AXL: variants seen among roughly 807,000 people sequenced by gnomAD.
AXL encodes tyrosine-protein kinase receptor UFO.
AXL carries 52 observed loss-of-function variants against 104.5 expected under a neutral mutation model. The ratio of observed to expected loss-of-function variants is 0.50; its 90% confidence interval spans 0.40 to 0.63. AXL has a LOEUF of 0.63. AXL is among the 20% of genes least tolerant of loss of function. The probability of loss-of-function intolerance (pLI) is 0.00; values close to 1 mark genes in which losing one functional copy is unlikely to be tolerated. For synonymous variants in AXL, 455 were observed against 473.7 expected (o/e 0.96, Z 0.51); for missense variants, 1,024 against 1,188.5 (o/e 0.86, Z 2.04).
At position 41,228,675 on chromosome 19, in the gene AXL, C is replaced by T. The variant is rs112449337; in HGVS notation, c.587-2292C>T. On this transcript the variant is annotated intron_variant, in intron 4 of 19. Transcript: ENST00000301178. Reference sequence around the variant, plus strand: ...GTACATAGCTGAACACAATTTCACTCACTCATTCAACAAGCATTTATGGCA... The same window carrying T: ...GTACATAGCTGAACACAATTTCACTTACTCATTCAACAAGCATTTATGGCA... 6.7e-3 allele frequency among the ~76,000 whole-genome samples: 1,021 copies of T among 152,340 alleles called. 12 individuals carry two copies. Among genetic ancestry groups the T allele is most frequent in the African/African-American group, 0.023 (955 of 41,578 alleles).
Position 41,243,643 on chromosome 19 carries a change from A to G in AXL, c.1473A>G (p.Arg491=), listed in dbSNP as rs754603597. 1 of 1,614,008 alleles carries G rather than the reference A, an allele frequency of 6.2e-7. No homozygotes were observed. Among genetic ancestry groups the G allele is most frequent in the South Asian group, 1.1e-5 (1 of 91,082 alleles). The part of the protein sequence containing the change: ...YGEVFEPTVE[R]GELVVRYRVR... ...AAGTGTTTGAACCAACAGTGGAAAG[A>G]GGTGAACTGGTAGTCAGGTACCGCG... is the stretch of plus-strand genomic sequence containing the variant. The change falls in exon 12 of 20, where the codon AGA becomes AGG. Residue 491 remains arginine, a synonymous_variant. Transcript: ENST00000301178.
intron 6 of AXL, among the ~76,000 whole-genome samples, 163 bp from the exon 7 acceptor site, chr19:41,237,781 G>A (rs2034105673): frequency 6.6e-6 from 1 of 152,128 alleles, no homozygotes; most frequent in Non-Finnish European, 1.5e-5. Flanking sequence ...TGATCTCCTT[G>A]CTTTGCAAAT....
At chr19:41,226,712 G>A in intron 4 of AXL, 1 of 983,002 alleles carries the variant, frequency 1.0e-6, no homozygotes, top group Non-Finnish European at 1.2e-6. Flanking sequence ...ATACACGCAG[G>A]GTCACAAACA....
At chr19:41,225,765 T>C (rs1047054491) in intron 4 of AXL, among the ~76,000 whole-genome samples, 2 of 152,194 alleles carry the variant, frequency 1.3e-5, no homozygotes, top group African/African-American at 4.8e-5. Context: ...CTGTGTGCCG[T>C]TAACTTACCA....
intron 4 of AXL, among the ~76,000 whole-genome samples, chr19:41,226,029 C>T (rs945457854): frequency 6.6e-6 from 1 of 152,212 alleles, no homozygotes. Flanking sequence ...CTGCTCCTGT[C>T]GTCTTGCGGT....
rs78394738 is a variant in AXL at position 41,235,441 on chromosome 19, C to G, written c.784-2503C>G. 4.0e-3 allele frequency among the ~76,000 whole-genome samples: 611 copies of G among 152,172 alleles called. 10 individuals are homozygous for G. The highest frequency in any genetic ancestry group is 0.014 in the African/African-American group (578 of 41,512). ...AATGACAGTATGCACAAGCAGTCTT[C>G]TAAATGCTTACATGCCCCAATTCAG... On this transcript the variant is annotated intron_variant, in intron 6 of 19. Transcript: ENST00000301178.
chr19:41,243,570 T>C (rs1337366219), intron 11 of AXL, 46 bp from the exon 12 acceptor site: 1 of 1,451,072 alleles, frequency 6.9e-7, no homozygotes, highest in Admixed American at 1.7e-5. Flanking sequence ...AGTAGGGGGT[T>C]CCACATGGTT....
At chr19:41,242,693 G>A (rs2034204307) in intron 10 of AXL, among the ~76,000 whole-genome samples, 190 bp from the exon 11 acceptor site, 1 of 152,072 alleles carries the variant, frequency 6.6e-6, no homozygotes, top group Non-Finnish European at 1.5e-5. Context: ...ACCTGCACTT[G>A]TATCACATCC....
intron 12 of AXL, among the ~76,000 whole-genome samples, chr19:41,245,530 C>T (rs1455203034): frequency 6.6e-6 from 1 of 152,050 alleles, no homozygotes; most frequent in Non-Finnish European, 1.5e-5. Context: ...CGAGACCAGC[C>T]TGGCCAACAT....
rs2122191580 is a variant in AXL, at chr19:41,219,418, G to A, written c.26G>A (p.Gly9Asp). Residue 9 changes from glycine to aspartate, a missense_variant, in exon 1 of 20, where the codon GGC becomes GAC. Physicochemically the swap from Gly to Asp is moderately conservative, Grantham distance 94 (BLOSUM62 -1). This residue lies in a region of AXL where 124 missense variants were observed against 115.5 expected (regional missense o/e 1.07). Coordinates refer to ENST00000301178, the MANE Select transcript of AXL (RefSeq NM_021913.5). The stretch of plus-strand genomic sequence containing the variant: ...ATGGCGTGGCGGTGCCCCAGGATGG[G>A]CAGGGTCCCGCTGGCCTGGTGCTTG... MAWRCPRM[G>D]RVPLAWCLAL... 6.2e-7 allele frequency: 1 copy of A among 1,605,040 alleles called. No individual in the cohort carries two copies. Among genetic ancestry groups the A allele is most frequent in the Admixed American group, 1.7e-5 (1 of 58,926 alleles).
rs762107336 is a variant in AXL at position 41,231,170 on chromosome 19, C to T, written c.668-13C>T. On this transcript the variant is annotated splice_polypyrimidine_tract_variant and intron_variant, in intron 5 of 19. Transcript: ENST00000301178. ...AAGGCTCCCCAGGGTCAATCTCTCC[C>T]GTTTGTCCACAGTGCTCCCCCAGCA... The T allele has an allele frequency of 6.8e-6, 11 of 1,610,340 alleles. No individual in the cohort carries two copies. The highest frequency in any genetic ancestry group is 2.2e-5 in the East Asian group (1 of 44,846).
intron 6 of AXL, among the ~76,000 whole-genome samples, chr19:41,231,881 C>T (rs1180847575): frequency 1.3e-5 from 2 of 149,830 alleles, no homozygotes; most frequent in African/African-American, 4.9e-5. Flanking sequence ...GAGCCAAGAT[C>T]GTGCCACTGC....
chr19:41,227,972 A>C (rs2033912540), intron 4 of AXL, among the ~76,000 whole-genome samples: 4 of 152,302 alleles, frequency 2.6e-5, no homozygotes, highest in Non-Finnish European at 5.9e-5. Flanking sequence ...GTTTCATCAC[A>C]GTACTCAGAA....
intron 1 of AXL, chr19:41,220,360 G>A (rs1458977760): frequency 4.8e-6 from 2 of 414,266 alleles, no homozygotes. Flanking sequence ...AGGGGGCAGG[G>A]GCTGGCCCTG....
intron 12 of AXL, among the ~76,000 whole-genome samples, chr19:41,245,985 C>G (rs568699002): frequency 6.6e-6 from 1 of 152,176 alleles, no homozygotes; most frequent in African/African-American, 2.4e-5. Flanking sequence ...TGCAGGGGGC[C>G]CATAAGGTCA....
chr19:41,227,430 T>C (rs2033901007), intron 4 of AXL, among the ~76,000 whole-genome samples: 1 of 152,088 alleles, frequency 6.6e-6, no homozygotes, highest in South Asian at 2.1e-4. Flanking sequence ...AGGAAGCACT[T>C]TAAGGCTTCT....
At chr19:41,239,451 C>A in intron 9 of AXL, 137 bp downstream of exon 9, 1 of 1,322,854 alleles carries the variant, frequency 7.6e-7, no homozygotes, top group Non-Finnish European at 1.0e-6. Flanking sequence ...TGCCCTCACT[C>A]CCTTACCCAT....
Position 41,220,714 on chromosome 19 carries a change from G to C in AXL, c.164G>C (p.Arg55Pro). ...TGARGLTGTLRCQLQVQGEPP... is the reference protein window; with the variant it reads ...TGARGLTGTLPCQLQVQGEPP... The stretch of plus-strand genomic sequence containing the variant: ...GCCCGGGGACTCACGGGCACCCTTC[G>C]GTGTCAGCTCCAGGTTCAGGGAGAG... Residue 55 changes from arginine (R) to proline (P), a missense_variant, in exon 2 of 20, where the codon CGG becomes CCG. Arg to Pro is a moderately radical substitution (Grantham distance 103). Coordinates refer to ENST00000301178, the MANE Select transcript of AXL (RefSeq NM_021913.5). 6.2e-7 allele frequency: 1 copy of C among 1,613,846 alleles called. No homozygotes were observed. The highest frequency in any genetic ancestry group is 8.5e-7 in the Non-Finnish European group (1 of 1,179,852).
At chr19:41,230,921 C>T in intron 4 of AXL, 46 bp from the exon 5 acceptor site, 1 of 1,596,378 alleles carries the variant, frequency 6.3e-7, no homozygotes, top group Non-Finnish European at 8.6e-7. Flanking sequence ...CGGAGCCCTT[C>T]CTGCCCCTCT....
Sources: allele counts gnomAD v4.1 joint callset (sites outside exome capture counted in the v4.1 genomes callset), GRCh38; gene constraint gnomAD v4.1.1; regional missense constraint gnomAD v4.1.1; transcripts MANE v1.5; gene names NCBI Gene and HGNC (gene_info 2026-07-23, HGNC 2026-07-21).